The following GUCY1A2 variants were observed in gnomAD, a reference collection of about 807,000 sequenced individuals.
GUCY1A2 encodes guanylate cyclase soluble subunit alpha-2.
In GUCY1A2, 27 loss-of-function variants were observed where a neutral mutation model predicts 63.5. The ratio of observed to expected loss-of-function variants is 0.43; its 90% CI spans 0.31 to 0.59. The LOEUF is 0.59. GUCY1A2 is among the 20% of genes least tolerant of loss of function. The pLI is 0.11. For synonymous variants in GUCY1A2, 364 were observed against 343.5 expected, an observed-to-expected ratio of 1.06 and a Z score of -0.66; for missense variants, 768 against 913.3, an observed-to-expected ratio of 0.84 and a Z score of 2.05.
chr11:106,912,177 T>C (rs1316510242), intron 4 of GUCY1A2, among the ~76,000 whole-genome samples: 2 of 151,988 alleles, frequency 1.3e-5, no homozygotes, highest in Admixed American at 6.6e-5. Context: ...TACTAATTCA[T>C]ACCTAAATTT....
intron 4 of GUCY1A2, chr11:106,826,464 G>C (rs1858972499): frequency 1.8e-5 from 28 of 1,587,688 alleles, no homozygotes; most frequent in Non-Finnish European, 2.4e-5. Flanking sequence ...GATTCATTTG[G>C]TTTAAGATTA....
At chr11:106,844,343 A>G (rs1340034694) in intron 4 of GUCY1A2, among the ~76,000 whole-genome samples, 1 of 151,810 alleles carries the variant, frequency 6.6e-6, no homozygotes, top group African/African-American at 2.4e-5. Flanking sequence ...TTTATGTAGT[A>G]TATGTATTTA....
intron 6 of GUCY1A2, among the ~76,000 whole-genome samples, chr11:106,748,496 T>A (rs1274348111): frequency 6.6e-6 from 1 of 152,216 alleles, no homozygotes; most frequent in East Asian, 1.9e-4. Context: ...CACCTCATTT[T>A]TCAGCCCTTC....
At chr11:106,838,233 C>A (rs997655577) in intron 4 of GUCY1A2, among the ~76,000 whole-genome samples, 3 of 151,912 alleles carry the variant, frequency 2.0e-5, no homozygotes, top group Non-Finnish European at 2.9e-5. Context: ...TAGTATGTCT[C>A]CGTGCCTTAC....
intron 6 of GUCY1A2, among the ~76,000 whole-genome samples, chr11:106,775,325 C>T (rs989630836): frequency 6.6e-6 from 1 of 152,110 alleles, no homozygotes; most frequent in Non-Finnish European, 1.5e-5. Flanking sequence ...AATACAACCA[C>T]AAACTAGGAC....
chr11:106,758,489 C>T (rs185442159), intron 6 of GUCY1A2, among the ~76,000 whole-genome samples: 22 of 152,284 alleles, frequency 1.4e-4, no homozygotes, highest in South Asian at 6.2e-4. Context: ...TGCTTCGGTT[C>T]GCCCTCCATA....
At chr11:106,835,408 G>A (rs1278057926) in intron 4 of GUCY1A2, among the ~76,000 whole-genome samples, 1 of 151,686 alleles carries the variant, frequency 6.6e-6, no homozygotes, top group Non-Finnish European at 1.5e-5. Context: ...AAAATATGAG[G>A]AGATCAAGTA....
At chr11:106,920,183 G>C (rs1415824107) in intron 4 of GUCY1A2, among the ~76,000 whole-genome samples, 1 of 151,712 alleles carries the variant, frequency 6.6e-6, no homozygotes, top group Non-Finnish European at 1.5e-5. Flanking sequence ...ACACACCAGG[G>C]CAATAACACC....
intron 3 of GUCY1A2, among the ~76,000 whole-genome samples, chr11:106,969,253 C>T (rs748432047): frequency 3.3e-5 from 5 of 151,884 alleles, no homozygotes; most frequent in South Asian, 2.1e-4. Context: ...ACTGAAGAAC[C>T]GAACTCAAGA....
chr11:106,984,014 G>T (rs1381605074), intron 2 of GUCY1A2, among the ~76,000 whole-genome samples: 1 of 152,292 alleles, frequency 6.6e-6, no homozygotes, highest in Non-Finnish European at 1.5e-5. Context: ...AAGAGAAATA[G>T]AAAGTAGAAA....
chr11:106,687,522 G>A lies in GUCY1A2; in HGVS notation c.*27C>T. ...CCCATGTTCTGGGCTTGTGCTTTTT[G>A]GAGGAGTCTTTGATCTGTAGCAGGT... On this transcript the variant is annotated 3_prime_UTR_variant, in exon 8 of 8. Coordinates refer to ENST00000526355, the MANE Select transcript of GUCY1A2 (RefSeq NM_000855.3). 6.5e-7 allele frequency: 1 copy of A among 1,549,930 alleles called. No individual in the cohort carries two copies. Among genetic ancestry groups the A allele is most frequent in the Middle Eastern group, 1.7e-4 (1 of 5,856 alleles).
chr11:106,958,481 T>C (rs977919831), intron 3 of GUCY1A2, among the ~76,000 whole-genome samples: 8 of 152,202 alleles, frequency 5.3e-5, no homozygotes, highest in African/African-American at 1.9e-4. Flanking sequence ...TGAACAAATC[T>C]CCTCTTCTCA....
At chr11:106,747,589 A>G (rs892634418) in intron 6 of GUCY1A2, among the ~76,000 whole-genome samples, 12 of 152,226 alleles carry the variant, frequency 7.9e-5, no homozygotes, top group Admixed American at 5.9e-4. Flanking sequence ...CAAAAGGCAC[A>G]TGACATTCTG....
At chr11:106,725,422 TCGGCCTCCCAAAGTGC>T in intron 6 of GUCY1A2, among the ~76,000 whole-genome samples, 1 of 47,532 alleles carries the variant, frequency 2.1e-5, no homozygotes, top group Non-Finnish European at 5.0e-5. Flanking sequence ...TCCGCCCGCC[TCGGCCTCCCAAAGTGC>T]GACATAAATT....
At position 107,017,746 on chromosome 11, in the gene GUCY1A2, C is replaced by A. The variant is rs751333982; in HGVS notation, c.303+7G>T. The A allele has an allele frequency of 3.6e-6, 5 of 1,389,802 alleles. No homozygotes were observed. In the East Asian group the frequency reaches 1.1e-4, roughly 32 times the overall value. The allele number at this position is 1,389,802 out of a possible 1,614,324, so 86.1% of individuals were successfully genotyped here. A position where few individuals can be genotyped will look rare whatever the true frequency, so the allele number is the denominator to read the frequency against. On this transcript the variant is annotated splice_region_variant and intron_variant, in intron 1 of 7. Coordinates refer to ENST00000526355, the MANE Select transcript of GUCY1A2 (RefSeq NM_000855.3). ...GAAGGCGGTCCCCCCTTCCGCCCCC[C>A]GCTCACCGAGGGCGCCGTCAGGCGG...
In GUCY1A2 at chr11:106,986,112, G is replaced by A; in HGVS notation, c.323C>T (p.Thr108Ile). 6.7e-7 allele frequency: 1 copy of A among 1,497,150 alleles called. No homozygotes were observed. 92.7% of individuals were successfully genotyped at this position (1,497,150 alleles called of 1,614,324 possible). The change falls in exon 2 of 8, where the codon ACT becomes ATT. Residue 108 changes from threonine (T) to isoleucine (I), a missense_variant. Physicochemically the swap from Thr to Ile is moderately conservative, Grantham distance 89. Around this residue, in one of 3 missense-constraint regions of GUCY1A2, gnomAD observed 496 missense variants for 486.9 expected, o/e 1.02. Coordinates refer to ENST00000526355, the MANE Select transcript of GUCY1A2 (RefSeq NM_000855.3). ...TAPSPQTIQQTLKRTLQYYEH... is the reference protein window; with the variant it reads ...TAPSPQTIQQILKRTLQYYEH... ...ATAATACTGCAGTGTCCTCTTGAGA[G>A]TCTGCTGTATCGTCTGAGGCTACAG...
intron 5 of GUCY1A2, among the ~76,000 whole-genome samples, chr11:106,785,876 C>CTTTT (rs5794497): frequency 3.6e-4 from 53 of 147,952 alleles, no homozygotes; most frequent in Non-Finnish European, 6.3e-4. Context: ...CGATATCCAC[C>CTTTT]TTTTTTTTTT....
intron 6 of GUCY1A2, among the ~76,000 whole-genome samples, chr11:106,745,915 T>C (rs562566856): frequency 5.9e-5 from 9 of 152,390 alleles, no homozygotes; most frequent in Admixed American, 5.9e-4. Flanking sequence ...TACTCCCTTC[T>C]TGTAGGCTTT....
intron 6 of GUCY1A2, among the ~76,000 whole-genome samples, chr11:106,769,089 T>C (rs1864211339): frequency 6.6e-6 from 1 of 152,074 alleles, no homozygotes. Flanking sequence ...TCATCCTAAG[T>C]CTTAAATTAT....
Sources: allele counts gnomAD v4.1 joint callset (sites outside exome capture counted in the v4.1 genomes callset), GRCh38; gene constraint gnomAD v4.1.1; regional missense constraint gnomAD v4.1.1; transcripts MANE v1.5; gene names NCBI Gene and HGNC (gene_info 2026-07-23, HGNC 2026-07-21).